ACSL6: variants seen among roughly 807,000 people sequenced by gnomAD.
ACSL6 encodes long-chain-fatty-acid--CoA ligase 6.
A neutral mutation model predicts 98.2 loss-of-function variants in ACSL6; 47 were observed. That is an observed-to-expected ratio of 0.48 (90% confidence interval 0.38 to 0.61). The LOEUF (loss-of-function observed/expected upper bound fraction) is 0.61. Among genes scored for constraint, ACSL6 ranks in the 20% least tolerant of loss-of-function variants. The pLI, the probability that ACSL6 is intolerant of heterozygous loss-of-function variation, is 0.00. For synonymous variants in ACSL6, 362 were observed against 336.9 expected (o/e 1.07, Z -0.82); for missense variants, 761 against 913.4 (o/e 0.83, Z 2.15).
intron 13 of ACSL6, 106 bp downstream of exon 13, chr5:131,972,618 A>G (rs1753372517): frequency 1.6e-6 from 2 of 1,282,846 alleles, no homozygotes; most frequent in African/African-American, 1.5e-5. Flanking sequence ...ATGAGTTACT[A>G]TTTCACATGA....
At chr5:132,009,211 C>A (rs1245636803) in intron 1 of ACSL6, among the ~76,000 whole-genome samples, 3 of 152,356 alleles carry the variant, frequency 2.0e-5, no homozygotes, top group East Asian at 1.9e-4. Flanking sequence ...CCATCCCCGA[C>A]TTTATGTCAT....
intron 15 of ACSL6, 95 bp from the exon 16 acceptor site, chr5:131,968,123 G>C: frequency 9.8e-7 from 1 of 1,023,602 alleles, no homozygotes; most frequent in Non-Finnish European, 1.5e-6. Flanking sequence ...AGTGGCCAAA[G>C]TGGGGAATTA....
intron 9 of ACSL6, chr5:131,983,005 T>C (rs929278055): frequency 2.0e-5 from 3 of 152,194 alleles, no homozygotes; most frequent in Admixed American, 6.5e-5. Context: ...TGAGTGAATA[T>C]AGATGAATTA....
At chr5:131,989,985 G>T in intron 4 of ACSL6, 115 bp downstream of exon 4, 1 of 1,141,954 alleles carries the variant, frequency 8.8e-7, no homozygotes, top group Non-Finnish European at 1.2e-6. Flanking sequence ...TGGCAGACAG[G>T]CCAGGGAAAT....
chr5:131,950,420 T>G lies in ACSL6; in HGVS notation c.*3814A>C, dbSNP rs1752098725. On this transcript the variant is annotated 3_prime_UTR_variant, in exon 21 of 21. Transcript: ENST00000651883. ...CTAACCCACTTCTTATTGCAGTTAA[T>G]TGTAAATTCATAGAAAGTATTTTCT... 4.9e-6 allele frequency: 1 copy of G among 203,880 alleles called. No homozygotes were observed. The highest frequency in any genetic ancestry group is 6.0e-5 in the Admixed American group (1 of 16,734). 12.6% of individuals were successfully genotyped at this position (203,880 alleles called of 1,614,324 possible).
At chr5:131,985,267 T>G (rs3991311) in intron 9 of ACSL6, 140 bp downstream of exon 9, 3 of 524,624 alleles carry the variant, frequency 5.7e-6, no homozygotes, top group Admixed American at 9.8e-5. Context: ...GTGCAGGAGG[T>G]CACCCAGTGT....
chr5:131,975,017 G>T, intron 10 of ACSL6, 47 bp from the exon 11 acceptor site: 2 of 1,596,834 alleles, frequency 1.3e-6, no homozygotes, highest in Non-Finnish European at 1.7e-6. Flanking sequence ...AACACTGACA[G>T]GAAGACGACA....
At chr5:131,985,170 C>T (rs998135616) in intron 9 of ACSL6, 1 of 561,180 alleles carries the variant, frequency 1.8e-6, no homozygotes, top group Non-Finnish European at 3.3e-6. Flanking sequence ...GCTGACTCAG[C>T]TCTGGGAGGT....
chr5:132,004,218 C>CTT (rs1561812724), intron 1 of ACSL6, among the ~76,000 whole-genome samples: 2 of 151,110 alleles, frequency 1.3e-5, no homozygotes, highest in African/African-American at 4.9e-5. Context: ...AGGCTTCTAT[C>CTT]CTTTTTTTTT....
At chr5:131,974,703 G>T in intron 11 of ACSL6, 190 bp downstream of exon 11, 3 of 1,559,776 alleles carry the variant, frequency 1.9e-6, no homozygotes, top group Non-Finnish European at 2.6e-6. Flanking sequence ...AGTGACACCC[G>T]CTAGGGTTAT....
chr5:131,963,250 G>A (rs1215404217), intron 17 of ACSL6, among the ~76,000 whole-genome samples: 4 of 152,130 alleles, frequency 2.6e-5, no homozygotes, highest in Non-Finnish European at 5.9e-5. Context: ...TCTGCAGCAG[G>A]CAGATCACCT....
At chr5:131,973,794 C>T (rs984028250) in intron 11 of ACSL6, 1 of 163,826 alleles carries the variant, frequency 6.1e-6, no homozygotes, top group African/African-American at 2.4e-5. Flanking sequence ...TTGGATTTCC[C>T]CAGGGAATTC....
chr5:132,009,443 C>A (rs1426177450), intron 1 of ACSL6, among the ~76,000 whole-genome samples: 1 of 152,242 alleles, frequency 6.6e-6, no homozygotes. Context: ...CAGCTCTTAA[C>A]TCAGGAGTCT....
intron 20 of ACSL6, among the ~76,000 whole-genome samples, chr5:131,957,055 C>CACAA (rs1580620011): frequency 1.3e-5 from 2 of 152,064 alleles, no homozygotes; most frequent in East Asian, 3.8e-4. Context: ...CTCATAAAAG[C>CACAA]ACAAACTTCA....
intron 1 of ACSL6, 26 bp from the exon 2 acceptor site, chr5:131,994,277 G>A: frequency 6.3e-7 from 1 of 1,578,998 alleles, no homozygotes; most frequent in South Asian, 1.1e-5. Context: ...GTCAGATAAG[G>A]CAAGAGACCT....
chr5:131,953,917 A>T lies in ACSL6; in HGVS notation c.*317T>A. The T allele has an allele frequency of 4.4e-6, 1 of 224,928 alleles. No individual in the cohort carries two copies. The highest frequency in any genetic ancestry group is 1.8e-4 in the South Asian group (1 of 5,582). 13.9% of individuals were successfully genotyped at this position (224,928 alleles called of 1,614,324 possible). Reference sequence around the variant, plus strand: ...AATATATCACTTATGTTTTTCCTTTATGTTTAATAGTTCTGTGAACATTGA... The same window carrying T: ...AATATATCACTTATGTTTTTCCTTTTTGTTTAATAGTTCTGTGAACATTGA... On this transcript the variant is annotated 3_prime_UTR_variant, in exon 21 of 21. Transcript: ENST00000651883.
chr5:131,982,183 G>A (rs1212170930), intron 9 of ACSL6: 12 of 112,962 alleles, frequency 1.1e-4, no homozygotes, highest in South Asian at 3.1e-4. Context: ...TCGCTCTGTC[G>A]CCCAGGCTGG....
intron 16 of ACSL6, among the ~76,000 whole-genome samples, chr5:131,967,022 T>C (rs966770079): frequency 6.6e-6 from 1 of 152,114 alleles, no homozygotes; most frequent in African/African-American, 2.4e-5. Flanking sequence ...CAGCAGGCCA[T>C]GACACAGTTA....
rs1227821008 is a variant in ACSL6, at chr5:131,953,052, G to A, written c.*1182C>T. On this transcript the variant is annotated 3_prime_UTR_variant, in exon 21 of 21. Transcript: ENST00000651883. ...CTAGAAGACCCCAGCAAGGAATGTA[G>A]GTACATTAATTGCTGCCTACCCTGA... 1 of 205,212 alleles carries A rather than the reference G, an allele frequency of 4.9e-6. No individual in the cohort carries two copies. Among genetic ancestry groups the A allele is most frequent in the Non-Finnish European group, 9.9e-6 (1 of 100,610 alleles). The allele number at this position is 205,212 out of a possible 1,614,324, so 12.7% of individuals were successfully genotyped here. A position where few individuals can be genotyped will look rare whatever the true frequency, so the allele number is the denominator to read the frequency against.
Sources: gnomAD v4.1 joint callset for allele counts (sites outside exome capture counted in the v4.1 genomes callset) on GRCh38, gnomAD v4.1.1 for gene constraint, MANE v1.5 for transcripts, NCBI Gene and HGNC (gene_info 2026-07-23, HGNC 2026-07-21) for gene names.